The following SDK1 variants were observed in gnomAD, a reference collection of about 807,000 sequenced individuals.
SDK1 encodes the protein sidekick cell adhesion molecule 1.
SDK1 carries 157 observed loss-of-function variants against 245.5 expected under a neutral mutation model. The observed-to-expected ratio is 0.64, with a 90% CI of 0.56 to 0.73. The LOEUF (loss-of-function observed/expected upper bound fraction) is 0.73, where lower values mean the gene tolerates loss of function less well. Ranked by LOEUF, SDK1 falls within the 30% of genes least tolerant of loss-of-function variation. SDK1 has a pLI of 0.00. For missense variants in SDK1, 3,583 were observed against 3,002.3 expected (o/e 1.19, Z -4.52); for synonymous variants, 1,647 against 1,278.5 (o/e 1.29, Z -6.15).
intron 5 of SDK1, among the ~76,000 whole-genome samples, chr7:3,892,114 A>AGG (rs1781474975): frequency 6.6e-6 from 1 of 151,944 alleles, no homozygotes; most frequent in African/African-American, 2.4e-5. Context: ...TCCTTTAACA[A>AGG]CTTTCCAGCT....
At chr7:3,416,091 C>T (rs922999893) in intron 1 of SDK1, among the ~76,000 whole-genome samples, 2 of 152,134 alleles carry the variant, frequency 1.3e-5, no homozygotes, top group African/African-American at 4.8e-5. Context: ...ATTGCTGTCT[C>T]CTTTAAAGTA....
At chr7:3,370,136 A>G (rs747463135) in intron 1 of SDK1, among the ~76,000 whole-genome samples, 18 of 152,244 alleles carry the variant, frequency 1.2e-4, no homozygotes, top group Non-Finnish European at 2.1e-4. Flanking sequence ...AGATGTACAT[A>G]TGACTTGAGA....
At chr7:3,923,546 G>C (rs916686184) in intron 5 of SDK1, among the ~76,000 whole-genome samples, 1 of 152,182 alleles carries the variant, frequency 6.6e-6, no homozygotes, top group Non-Finnish European at 1.5e-5. Flanking sequence ...CTGAGTACCT[G>C]CCAGAAATGC....
chr7:3,479,346 C>G (rs990988875), intron 1 of SDK1, among the ~76,000 whole-genome samples: 3 of 146,490 alleles, frequency 2.0e-5, no homozygotes, highest in African/African-American at 7.6e-5. Context: ...CGATTGAACC[C>G]GGGAGGTAGA....
intron 17 of SDK1, among the ~76,000 whole-genome samples, chr7:4,040,580 C>T (rs541439564): frequency 2.0e-5 from 3 of 152,088 alleles, no homozygotes; most frequent in East Asian, 3.9e-4. Context: ...TTTTCCAGTC[C>T]GCCACAAAAT....
chr7:3,400,248 T>C (rs1360944031), intron 1 of SDK1, among the ~76,000 whole-genome samples: 2 of 152,190 alleles, frequency 1.3e-5, no homozygotes, highest in Non-Finnish European at 2.9e-5. Flanking sequence ...CAAGCCTTTC[T>C]AGCCAAGATT....
intron 4 of SDK1, among the ~76,000 whole-genome samples, chr7:3,678,149 G>A (rs896117762): frequency 1.3e-5 from 2 of 152,226 alleles, no homozygotes; most frequent in African/African-American, 4.8e-5. Flanking sequence ...TGGTGAGGAT[G>A]TGGAAACAGT....
chr7:4,204,330 G>A (rs375609478), intron 35 of SDK1, among the ~76,000 whole-genome samples: 19 of 152,168 alleles, frequency 1.2e-4, no homozygotes, highest in African/African-American at 4.3e-4. Context: ...TTAATGGGGC[G>A]GTAAATAAGA....
At chr7:4,220,308 A>T in intron 39 of SDK1, 38 bp downstream of exon 39, 1 of 1,594,718 alleles carries the variant, frequency 6.3e-7, no homozygotes. Context: ...GTCAATTGCA[A>T]CTTTAGCCTC....
chr7:4,098,094 C>T (rs1328430327), intron 22 of SDK1, among the ~76,000 whole-genome samples: 1 of 152,144 alleles, frequency 6.6e-6, no homozygotes, highest in African/African-American at 2.4e-5. Flanking sequence ...TGGCTTTTCT[C>T]TCTTATTTCT....
chr7:3,975,660 A>G (rs529183361), intron 13 of SDK1, among the ~76,000 whole-genome samples: 1 of 152,320 alleles, frequency 6.6e-6, no homozygotes, highest in African/African-American at 2.4e-5. Flanking sequence ...TGTAGTCCCT[A>G]TTTGTGGATA....
intron 37 of SDK1, among the ~76,000 whole-genome samples, chr7:4,209,123 C>T (rs1311056822): frequency 6.6e-6 from 1 of 152,212 alleles, no homozygotes; most frequent in Non-Finnish European, 1.5e-5. Context: ...CTGACCACAA[C>T]CAGGTTGCAA....
chr7:3,517,742 C>A (rs181930524), intron 1 of SDK1, among the ~76,000 whole-genome samples: 3 of 152,206 alleles, frequency 2.0e-5, no homozygotes, highest in Admixed American at 2.0e-4. Context: ...AATTGTATTG[C>A]CACTAGTGCT....
chr7:3,672,112 A>T (rs1055313986), intron 4 of SDK1, among the ~76,000 whole-genome samples: 2 of 152,036 alleles, frequency 1.3e-5, no homozygotes, highest in Non-Finnish European at 2.9e-5. Flanking sequence ...TTTCCTGGTA[A>T]CTCTGAGGAG....
At chr7:3,392,507 A>G (rs1290233989) in intron 1 of SDK1, among the ~76,000 whole-genome samples, 1 of 152,160 alleles carries the variant, frequency 6.6e-6, no homozygotes, top group African/African-American at 2.4e-5. Context: ...AGTGCAGTTC[A>G]GTGACATTCA....
At chr7:4,004,606 A>C (rs1175017652) in intron 14 of SDK1, among the ~76,000 whole-genome samples, 1 of 152,160 alleles carries the variant, frequency 6.6e-6, no homozygotes, top group East Asian at 1.9e-4. Flanking sequence ...ATACACACAA[A>C]AATATAGCTC....
rs1562466283 is a variant in SDK1 at position 3,403,879 on chromosome 7, T to TA, written c.298+101995_298+101996insA. On this transcript the variant is annotated intron_variant, in intron 1 of 44. Transcript: ENST00000404826. ...TATATATATATATATAATATATATA[T>TA]TTATTTATATTATATATATATTTAT... Among the ~76,000 whole-genome samples, 75 of 130,118 alleles carry TA rather than the reference T, an allele frequency of 5.8e-4. 3 individuals are homozygous for TA. The highest frequency in any genetic ancestry group is 1.9e-3 in the African/African-American group (64 of 34,296). 85.4% of individuals were successfully genotyped at this position (130,118 alleles called of 152,430 possible). A position where few individuals can be genotyped will look rare whatever the true frequency, so the allele number is the denominator to read the frequency against.
intron 22 of SDK1, among the ~76,000 whole-genome samples, chr7:4,110,302 CCTCA>C (rs1432898616): frequency 3.9e-5 from 6 of 152,156 alleles, no homozygotes; most frequent in Non-Finnish European, 7.4e-5. Context: ...TTCTCTGAGC[CCTCA>C]CTTGTCAAAC....
intron 29 of SDK1, among the ~76,000 whole-genome samples, chr7:4,146,774 G>A (rs1015664170): frequency 2.0e-5 from 3 of 152,210 alleles, no homozygotes; most frequent in Non-Finnish European, 4.4e-5. Flanking sequence ...GGAGACAGGT[G>A]CTCCATGCAC....
Sources: allele counts gnomAD v4.1 joint callset (sites outside exome capture counted in the v4.1 genomes callset), GRCh38; gene constraint gnomAD v4.1.1; transcripts MANE v1.5; gene names NCBI Gene and HGNC (gene_info 2026-07-23, HGNC 2026-07-21).